Variants in WDR7 observed in about 807,000 individuals in gnomAD.
WDR7 encodes WD repeat domain 7.
Under a neutral mutation model 169.4 loss-of-function variants are expected in WDR7, and 46 were observed. That is an observed-to-expected ratio of 0.27 (90% confidence interval 0.21 to 0.35). The LOEUF (loss-of-function observed/expected upper bound fraction) is 0.35. Among genes scored for constraint, WDR7 ranks in the 10% least tolerant of loss-of-function variants. WDR7 has a pLI of 1.00. For missense variants in WDR7, 1,534 were observed against 1,859.3 expected (o/e 0.83, Z 3.22); for synonymous variants, 612 against 666.8 (o/e 0.92, Z 1.27).
chr18:56,903,893 T>C (rs1169153460), intron 21 of WDR7, among the ~76,000 whole-genome samples: 1 of 152,170 alleles, frequency 6.6e-6, no homozygotes, highest in East Asian at 1.9e-4. Flanking sequence ...TGATTCCACC[T>C]TCCATGGTTC....
At chr18:56,655,964 C>T (rs521170) in intron 1 of WDR7, among the ~76,000 whole-genome samples, 135,002 of 152,222 alleles carry the variant, frequency 0.89, 62,165 homozygotes, top group East Asian at 1. Context: ...TTCCATGGTA[C>T]GTATGTATCC....
At chr18:56,817,267 C>T (rs1363232989) in intron 20 of WDR7, among the ~76,000 whole-genome samples, 2 of 151,088 alleles carry the variant, frequency 1.3e-5, no homozygotes, top group Non-Finnish European at 2.9e-5. Flanking sequence ...ATCGCTTGAC[C>T]TGGGAGGTGG....
At chr18:56,792,570 G>A (rs554572811) in intron 19 of WDR7, among the ~76,000 whole-genome samples, 1 of 149,724 alleles carries the variant, frequency 6.7e-6, no homozygotes, top group East Asian at 2.0e-4. Context: ...GTTCCAATAC[G>A]TAAAACCAAT....
At chr18:56,736,319 A>G (rs1343924361) in intron 14 of WDR7, among the ~76,000 whole-genome samples, 1 of 152,124 alleles carries the variant, frequency 6.6e-6, no homozygotes, top group Non-Finnish European at 1.5e-5. Flanking sequence ...AATGAATTAT[A>G]CTTAGTACAT....
chr18:56,760,216 C>G (rs1213861525), intron 16 of WDR7, among the ~76,000 whole-genome samples: 1 of 152,106 alleles, frequency 6.6e-6, no homozygotes. Context: ...GCAGAACACC[C>G]TTGTAACTAT....
intron 19 of WDR7, among the ~76,000 whole-genome samples, chr18:56,810,899 C>T (rs1330532137): frequency 3.9e-5 from 6 of 152,196 alleles, no homozygotes; most frequent in Middle Eastern, 3.4e-3. Context: ...CAGTTTCAAA[C>T]ACCCCAAAGT....
intron 19 of WDR7, among the ~76,000 whole-genome samples, chr18:56,790,294 C>G (rs1017557147): frequency 6.6e-6 from 1 of 152,124 alleles, no homozygotes; most frequent in African/African-American, 2.4e-5. Flanking sequence ...CACTTAGACA[C>G]TGAATATGCA....
At chr18:56,920,395 G>A (rs1306998144) in intron 21 of WDR7, among the ~76,000 whole-genome samples, 3 of 152,182 alleles carry the variant, frequency 2.0e-5, no homozygotes, top group Non-Finnish European at 4.4e-5. Context: ...GTTTGCTCCT[G>A]TTTCCTGAAT....
intron 20 of WDR7, among the ~76,000 whole-genome samples, chr18:56,856,062 G>C (rs1172739223): frequency 6.6e-6 from 1 of 152,186 alleles, no homozygotes; most frequent in Non-Finnish European, 1.5e-5. Context: ...AGCCAGGGGA[G>C]CGCAGGGAAA....
intron 21 of WDR7, among the ~76,000 whole-genome samples, chr18:56,915,458 G>A (rs1017400200): frequency 4.6e-5 from 7 of 152,102 alleles, no homozygotes; most frequent in Non-Finnish European, 8.8e-5. Context: ...TTCTCCCATA[G>A]GAATTTGGTT....
intron 16 of WDR7, among the ~76,000 whole-genome samples, chr18:56,769,562 C>CT (rs1368416528): frequency 6.6e-6 from 1 of 152,140 alleles, no homozygotes; most frequent in Non-Finnish European, 1.5e-5. Context: ...AGTCTCTGGT[C>CT]TGTGTCTCTA....
chr18:56,765,163 C>A (rs913139507), intron 16 of WDR7, among the ~76,000 whole-genome samples: 1 of 152,028 alleles, frequency 6.6e-6, no homozygotes, highest in Non-Finnish European at 1.5e-5. Context: ...TTGTGGGCAG[C>A]ATATAGTGGG....
chr18:56,908,332 C>T (rs2046507239), intron 21 of WDR7, among the ~76,000 whole-genome samples: 1 of 152,118 alleles, frequency 6.6e-6, no homozygotes, highest in African/African-American at 2.4e-5. Flanking sequence ...TAATTTCTGC[C>T]ATCCTTGGGA....
rs775012042 is a variant in WDR7, at chr18:56,939,352, TAAAAAG to T, written c.4027_4032del (p.Lys1343_Lys1344del). On this transcript the variant is annotated inframe_deletion, in exon 25 of 28. Transcript: ENST00000254442. ...TGTACTGCCTTGAAGGATCTTTAGTTAAAAAGAAAGGTCTTCAAGAATGTTTCCCAG... is the reference window on the plus strand; with the variant it reads ...TGTACTGCCTTGAAGGATCTTTAGTTAAAGGTCTTCAAGAATGTTTCCCAG... The T allele has an allele frequency of 6.3e-7, 1 of 1,582,158 alleles. No individual in the cohort carries two copies. The highest frequency in any genetic ancestry group is 8.6e-7 in the Non-Finnish European group (1 of 1,162,672).
chr18:56,799,456 ACT>A (rs1275471099), intron 19 of WDR7, among the ~76,000 whole-genome samples: 2 of 152,054 alleles, frequency 1.3e-5, no homozygotes, highest in Non-Finnish European at 2.9e-5. Flanking sequence ...ACATTTTAAT[ACT>A]TGTTACTGAT....
At position 56,757,337 on chromosome 18, in the gene WDR7, A is replaced by C. The variant is rs2043909005; in HGVS notation, c.2744A>C (p.Lys915Thr). The C allele has an allele frequency of 6.2e-7, 1 of 1,608,394 alleles. No individual in the cohort carries two copies. The highest frequency in any genetic ancestry group is 8.5e-7 in the Non-Finnish European group (1 of 1,175,886). ...GCAACTTTTATTGGTGATCATATGA[A>C]GAAGGGTCCTACCAGGTGTGACCAT... ...TNATFIGDHM[K>T]KGPTRPPRPS... The change falls in exon 15 of 28, where the codon AAG becomes ACG. Residue 915 changes from lysine (K) to threonine (T), a missense_variant. Lys to Thr is a moderately conservative substitution (Grantham distance 78). Coordinates refer to ENST00000254442, the MANE Select transcript of WDR7 (RefSeq NM_015285.3).
At chr18:56,903,968 C>T (rs1197699337) in intron 21 of WDR7, among the ~76,000 whole-genome samples, 1 of 152,090 alleles carries the variant, frequency 6.6e-6, no homozygotes, top group Non-Finnish European at 1.5e-5. Context: ...ACAGCTTAAC[C>T]TTTAAAGTGC....
chr18:56,816,159 C>A lies in WDR7; in HGVS notation c.3304+15C>A, dbSNP rs2044966945. On this transcript the variant is annotated intron_variant, in intron 20 of 27. Transcript: ENST00000254442. ...CATCACCACTGGTAAGCACAGACAT[C>A]TTTAACGTCTGATTGGAGCTTTGTT... The A allele has an allele frequency of 1.3e-6, 2 of 1,589,122 alleles. No individual in the cohort carries two copies. Among genetic ancestry groups the A allele is most frequent in the Non-Finnish European group, 1.7e-6 (2 of 1,168,732 alleles).
intron 19 of WDR7, among the ~76,000 whole-genome samples, chr18:56,784,990 T>C (rs1314342975): frequency 3.3e-5 from 5 of 152,082 alleles, no homozygotes; most frequent in Non-Finnish European, 7.4e-5. Context: ...CTTGATATAA[T>C]ACATTAATCT....
Sources: allele counts gnomAD v4.1 joint callset (sites outside exome capture counted in the v4.1 genomes callset), GRCh38; gene constraint gnomAD v4.1.1; transcripts MANE v1.5; gene names NCBI Gene and HGNC (gene_info 2026-07-23, HGNC 2026-07-21).